SNTG1: variants seen among roughly 807,000 people sequenced by gnomAD.
SNTG1 encodes gamma-1-syntrophin.
In SNTG1, 39 loss-of-function variants were observed where a neutral mutation model predicts 74.7. The ratio of observed to expected loss-of-function variants is 0.52; its 90% CI spans 0.40 to 0.68. SNTG1 has a LOEUF of 0.68. SNTG1 is among the 30% of genes least tolerant of loss of function. The probability of loss-of-function intolerance (pLI) is 0.00; values close to 1 mark genes in which losing one functional copy is unlikely to be tolerated. For missense variants in SNTG1, 685 were observed against 609.5 expected (o/e 1.12, Z -1.30); for synonymous variants, 254 against 217.1 (o/e 1.17, Z -1.49).
intron 1 of SNTG1, among the ~76,000 whole-genome samples, chr8:50,074,093 T>G (rs1415548174): frequency 1.3e-5 from 2 of 151,964 alleles, no homozygotes; most frequent in African/African-American, 4.8e-5. Context: ...CTAGATGACT[T>G]CTTCTTCCAA....
At chr8:50,770,752 G>T (rs1306135577) in intron 18 of SNTG1, among the ~76,000 whole-genome samples, 2 of 151,952 alleles carry the variant, frequency 1.3e-5, no homozygotes. Context: ...TGTGGGAGTG[G>T]GTGAGTTCTC....
intron 2 of SNTG1, among the ~76,000 whole-genome samples, chr8:50,230,994 T>A (rs1029236772): frequency 1.7e-4 from 25 of 151,354 alleles, no homozygotes; most frequent in African/African-American, 5.6e-4. Flanking sequence ...AAGCCATACA[T>A]CTGATAAGGG....
At chr8:50,078,295 T>A (rs1822084041) in intron 1 of SNTG1, among the ~76,000 whole-genome samples, 1 of 152,172 alleles carries the variant, frequency 6.6e-6, no homozygotes, top group Non-Finnish European at 1.5e-5. Context: ...AGTTTGTCAA[T>A]TTCTATGATA....
chr8:50,766,138 G>T (rs2095612962), intron 18 of SNTG1, among the ~76,000 whole-genome samples: 1 of 151,928 alleles, frequency 6.6e-6, no homozygotes, highest in Non-Finnish European at 1.5e-5. Context: ...ACAAGAAGCT[G>T]GTTGTCTCCA....
intron 1 of SNTG1, among the ~76,000 whole-genome samples, chr8:49,969,562 A>G (rs1811468336): frequency 6.6e-6 from 1 of 151,688 alleles, no homozygotes; most frequent in African/African-American, 2.4e-5. Context: ...ATGCCCAGCT[A>G]ATTTTGGTAT....
chr8:49,992,262 G>A (rs771960531), intron 1 of SNTG1, among the ~76,000 whole-genome samples: 1 of 152,124 alleles, frequency 6.6e-6, no homozygotes, highest in Non-Finnish European at 1.5e-5. Context: ...TGTATAATAG[G>A]TCAAGGTGTG....
intron 1 of SNTG1, among the ~76,000 whole-genome samples, chr8:49,966,671 A>G (rs1183131892): frequency 6.6e-6 from 1 of 152,134 alleles, no homozygotes. Flanking sequence ...CTGAGATTAC[A>G]GGTGTCAGCC....
Position 49,947,138 on chromosome 8 carries a change from A to G in SNTG1, c.-103+34907A>G, listed in dbSNP as rs550215697. The stretch of plus-strand genomic sequence containing the variant: ...CACATGGTGAAACCCTGTCTCTACT[A>G]AAAATACAAAAAATTAGACAGGCAT... On this transcript the variant is annotated intron_variant, in intron 1 of 18. Coordinates refer to ENST00000642720, the MANE Select transcript of SNTG1 (RefSeq NM_018967.5). 2.2e-4 allele frequency among the ~76,000 whole-genome samples: 33 copies of G among 152,222 alleles called. No homozygotes were observed. In the South Asian group the frequency reaches 6.8e-3, roughly 32 times the overall value.
intron 15 of SNTG1, among the ~76,000 whole-genome samples, chr8:50,694,846 A>G (rs2095397858): frequency 1.3e-5 from 2 of 151,822 alleles, no homozygotes. Flanking sequence ...ATTATTTTAT[A>G]AAACACAAAG....
At chr8:50,575,729 G>A (rs1265884736) in intron 12 of SNTG1, 1 of 152,170 alleles carries the variant, frequency 6.6e-6, no homozygotes, top group Non-Finnish European at 1.5e-5. Context: ...CCAAATGTGA[G>A]TCTGTATTTC....
intron 17 of SNTG1, among the ~76,000 whole-genome samples, chr8:50,724,541 A>G (rs1243071306): frequency 1.3e-5 from 2 of 152,184 alleles, no homozygotes; most frequent in African/African-American, 4.8e-5. Flanking sequence ...ATATAAACAT[A>G]TACTAGGCAC....
chr8:50,435,587 G>A (rs530676446), intron 4 of SNTG1, among the ~76,000 whole-genome samples: 2 of 152,166 alleles, frequency 1.3e-5, no homozygotes, highest in Non-Finnish European at 2.9e-5. Context: ...ACCAAGAACA[G>A]TTATTTCCCT....
At chr8:50,441,665 CT>C (rs2093358991) in intron 5 of SNTG1, among the ~76,000 whole-genome samples, 1 of 152,082 alleles carries the variant, frequency 6.6e-6, no homozygotes, top group South Asian at 2.1e-4. Context: ...TCCATTATTC[CT>C]TAATTTTTCT....
intron 12 of SNTG1, among the ~76,000 whole-genome samples, chr8:50,582,837 A>T (rs2094619928): frequency 6.6e-6 from 1 of 152,128 alleles, no homozygotes; most frequent in Non-Finnish European, 1.5e-5. Flanking sequence ...TCATTCATAG[A>T]ACTAAAATCA....
chr8:50,359,919 G>A (rs959363930), intron 2 of SNTG1, among the ~76,000 whole-genome samples: 1 of 151,788 alleles, frequency 6.6e-6, no homozygotes, highest in Non-Finnish European at 1.5e-5. Context: ...CCACATGAGT[G>A]TGTTACAGAT....
intron 17 of SNTG1, among the ~76,000 whole-genome samples, chr8:50,712,195 G>A (rs984788517): frequency 6.6e-6 from 1 of 152,126 alleles, no homozygotes; most frequent in African/African-American, 2.4e-5. Flanking sequence ...AGACAAGGAG[G>A]ATGAAACTAT....
At chr8:50,660,825 TTCTA>T (rs1278589940) in intron 15 of SNTG1, among the ~76,000 whole-genome samples, 1 of 152,174 alleles carries the variant, frequency 6.6e-6, no homozygotes, top group Admixed American at 6.5e-5. Flanking sequence ...AAACAATATG[TTCTA>T]TCTCTTTGTT....
chr8:50,090,998 A>C (rs895294877), intron 1 of SNTG1, among the ~76,000 whole-genome samples: 3 of 152,162 alleles, frequency 2.0e-5, no homozygotes, highest in Admixed American at 6.6e-5. Flanking sequence ...AGAGATGAGG[A>C]GTGCTCACAA....
chr8:50,680,123 A>T (rs1018051945), intron 15 of SNTG1, among the ~76,000 whole-genome samples: 1 of 152,154 alleles, frequency 6.6e-6, no homozygotes, highest in African/African-American at 2.4e-5. Context: ...TCCATCATGT[A>T]CAATTCCTAA....
Sources: gnomAD v4.1 joint callset for allele counts (sites outside exome capture counted in the v4.1 genomes callset) on GRCh38, gnomAD v4.1.1 for gene constraint, MANE v1.5 for transcripts, NCBI Gene and HGNC (gene_info 2026-07-23, HGNC 2026-07-21) for gene names.